The following COMT variants were observed in gnomAD, a reference collection of about 807,000 sequenced individuals.
The protein encoded by COMT is catechol-O-methyltransferase.
Under a neutral mutation model 18.9 loss-of-function variants are expected in COMT, and 13 were observed. That is an observed-to-expected ratio of 0.69 (90% CI 0.45 to 1.09). The LOEUF is 1.09. Ranked by LOEUF, COMT falls within the 50% of genes least tolerant of loss-of-function variation. The probability of loss-of-function intolerance (pLI) is 0.00; values close to 1 mark genes in which losing one functional copy is unlikely to be tolerated. For synonymous variants in COMT, 150 were observed against 160.9 expected (o/e 0.93, Z 0.51); for missense variants, 329 against 361.8 (o/e 0.91, Z 0.73).
At chr22:19,956,931 A>G (rs1942076830) in intron 1 of COMT, among the ~76,000 whole-genome samples, 1 of 151,282 alleles carries the variant, frequency 6.6e-6, no homozygotes, top group Admixed American at 6.6e-5. Flanking sequence ...TACTTGCAGT[A>G]TATTTATGGA....
intron 1 of COMT, among the ~76,000 whole-genome samples, chr22:19,959,974 G>C (rs986633785): frequency 1.3e-5 from 2 of 152,254 alleles, no homozygotes; most frequent in Non-Finnish European, 2.9e-5. Flanking sequence ...AGCCTGCAGA[G>C]TGGAGTGGGC....
rs990687034 is a variant in COMT at position 19,963,377 on chromosome 22, G to A, written c.290-189G>A. On this transcript the variant is annotated intron_variant, in intron 3 of 5. Coordinates refer to ENST00000361682, the MANE Select transcript of COMT (RefSeq NM_000754.4). The stretch of plus-strand genomic sequence containing the variant: ...GCGCTCACAGTGGGGACCAGGTCCT[G>A]GGGGCTGGGGACACCAGGGAGGTGA... The A allele has an allele frequency of 1.7e-5, 11 of 660,434 alleles. No individual in the cohort carries two copies. In the African/African-American group the frequency reaches 2.0e-4, roughly 12 times the overall value. 40.9% of individuals were successfully genotyped at this position (660,434 alleles called of 1,614,324 possible). A position where few individuals can be genotyped will look rare whatever the true frequency, so the allele number is the denominator to read the frequency against.
At chr22:19,956,886 T>A (rs1262394643) in intron 1 of COMT, among the ~76,000 whole-genome samples, 1 of 152,082 alleles carries the variant, frequency 6.6e-6, no homozygotes, top group Non-Finnish European at 1.5e-5. Context: ...AGTTCATATT[T>A]TAAAGGATTT....
chr22:19,944,547 G>A (rs547734394), intron 1 of COMT, among the ~76,000 whole-genome samples: 118 of 147,774 alleles, frequency 8.0e-4, no homozygotes, highest in African/African-American at 2.6e-3. Flanking sequence ...GAATTAGGCC[G>A]GGAGCGGTGG....
rs960378844 is a variant in COMT at position 19,969,811 on chromosome 22, A to G, written c.*1075A>G. On this transcript the variant is annotated 3_prime_UTR_variant, in exon 6 of 6. Coordinates refer to ENST00000361682, the MANE Select transcript of COMT (RefSeq NM_000754.4). ...TGGGCACCTGGGACCACCTCCACCC[A>G]GGGCCCTGCCCCAGACGCGCAGAGG... 3.1e-6 allele frequency: 3 copies of G among 981,788 alleles called. No homozygotes were observed. The Admixed American group carries it at 1.8e-4, about 60-fold the overall frequency. The allele number at this position is 981,788 out of a possible 1,614,324, so 60.8% of individuals were successfully genotyped here. A position where few individuals can be genotyped will look rare whatever the true frequency, so the allele number is the denominator to read the frequency against.
At chr22:19,945,955 G>A (rs930885444) in intron 1 of COMT, among the ~76,000 whole-genome samples, 4 of 151,632 alleles carry the variant, frequency 2.6e-5, no homozygotes, top group African/African-American at 7.3e-5. Context: ...GTGAGCCACC[G>A]TGCCCAGCCG....
intron 5 of COMT, among the ~76,000 whole-genome samples, chr22:19,966,772 T>C (rs979751891): frequency 3.4e-5 from 5 of 148,868 alleles, no homozygotes; most frequent in African/African-American, 1.2e-4. Context: ...CGAGACAGTC[T>C]CTCGCTCTGT....
intron 2 of COMT, chr22:19,961,762 G>C (rs1942197134): frequency 6.6e-6 from 1 of 152,356 alleles, no homozygotes; most frequent in African/African-American, 2.4e-5. Context: ...TGCCTGCTGG[G>C]TCCCCTCACC....
intron 1 of COMT, among the ~76,000 whole-genome samples, chr22:19,950,735 AG>A (rs1477026656): frequency 8.5e-5 from 13 of 152,246 alleles, no homozygotes; most frequent in African/African-American, 3.1e-4. Flanking sequence ...TGGAGGTGAT[AG>A]GAAGGGAGAG....
At position 19,962,797 on chromosome 22, in the gene COMT, A is replaced by G. The variant is rs774847933; in HGVS notation, c.271A>G (p.Asn91Asp). 2.5e-6 allele frequency: 4 copies of G among 1,605,278 alleles called. No individual in the cohort carries two copies. The highest frequency in any genetic ancestry group is 3.3e-5 in the Admixed American group (2 of 59,888). ...CTGCGAGCAGAAGGAGTGGGCCATGAACGTGGGCGACAAGAAAGGTGGGGT... is the reference window on the plus strand; with the variant it reads ...CTGCGAGCAGAAGGAGTGGGCCATGGACGTGGGCGACAAGAAAGGTGGGGT... ...TYCEQKEWAMNVGDKKGKIVD... is the reference protein window; with the variant it reads ...TYCEQKEWAMDVGDKKGKIVD... The change falls in exon 3 of 6, where the codon AAC becomes GAC. Residue 91 changes from asparagine (N) to aspartate (D), a missense_variant. Physicochemically the swap from Asn to Asp is conservative, Grantham distance 23. Coordinates refer to ENST00000361682, the MANE Select transcript of COMT (RefSeq NM_000754.4).
At chr22:19,968,054 G>A (rs1416379849) in intron 5 of COMT, among the ~76,000 whole-genome samples, 1 of 152,146 alleles carries the variant, frequency 6.6e-6, no homozygotes, top group African/African-American at 2.4e-5. Context: ...TGACCCCAAG[G>A]GGCAGGCTTG....
At chr22:19,962,506 C>T in intron 2 of COMT, 21 bp from the exon 3 acceptor site, 1 of 1,539,296 alleles carries the variant, frequency 6.5e-7, no homozygotes, top group Non-Finnish European at 8.7e-7. Flanking sequence ...GCACTGGCGC[C>T]CCTCCCCTCC....
At chr22:19,964,026 G>A (rs1218445998) in intron 4 of COMT, 142 bp from the exon 5 acceptor site, 2 of 1,542,130 alleles carry the variant, frequency 1.3e-6, no homozygotes, top group African/African-American at 1.4e-5. Flanking sequence ...GAACCCTAAA[G>A]AAAACTGATG....
intron 1 of COMT, among the ~76,000 whole-genome samples, chr22:19,952,656 C>CAAAA (rs201715907): frequency 7.6e-6 from 1 of 132,010 alleles, no homozygotes; most frequent in Admixed American, 7.8e-5. Flanking sequence ...AACAAAACAA[C>CAAAA]AACAAAAAAA....
chr22:19,968,958 A>G lies in COMT; in HGVS notation c.*222A>G. On this transcript the variant is annotated 3_prime_UTR_variant, in exon 6 of 6. Transcript: ENST00000361682. ...TTCTTTACTAACACTGGCTAGCTATATTATCTTATATACTAATATCATGTT... is the reference window on the plus strand; with the variant it reads ...TTCTTTACTAACACTGGCTAGCTATGTTATCTTATATACTAATATCATGTT... 1 of 547,524 alleles carries G rather than the reference A, an allele frequency of 1.8e-6. No individual in the cohort carries two copies. Among genetic ancestry groups the G allele is most frequent in the Non-Finnish European group, 3.3e-6 (1 of 304,728 alleles). 33.9% of individuals were successfully genotyped at this position (547,524 alleles called of 1,614,324 possible).
intron 1 of COMT, among the ~76,000 whole-genome samples, chr22:19,949,428 A>G (rs1345028704): frequency 6.6e-6 from 1 of 152,162 alleles, no homozygotes; most frequent in Non-Finnish European, 1.5e-5. Flanking sequence ...TCAGGACAAA[A>G]TTACATCCCT....
At chr22:19,966,781 G>A (rs1942422127) in intron 5 of COMT, among the ~76,000 whole-genome samples, 2 of 148,912 alleles carry the variant, frequency 1.3e-5, no homozygotes, top group African/African-American at 2.5e-5. Context: ...CTCTCGCTCT[G>A]TCGCCCAGGC....
rs544846648 is a variant in COMT, at chr22:19,962,832, C to T, written c.289+17C>T. ...ACAAGAAAGGTGGGGTCCGGGCCAG[C>T]AGGTGCTCAGCTCTGGGACAGGGAC... On this transcript the variant is annotated intron_variant, in intron 3 of 5. Coordinates refer to ENST00000361682, the MANE Select transcript of COMT (RefSeq NM_000754.4). 45 of 1,595,472 alleles carry T rather than the reference C, an allele frequency of 2.8e-5. 1 individual carries two copies. The Middle Eastern group carries it at 3.5e-3, about 124-fold the overall frequency.
chr22:19,955,656 G>A (rs968433942), intron 1 of COMT, among the ~76,000 whole-genome samples: 9 of 152,248 alleles, frequency 5.9e-5, no homozygotes, highest in Non-Finnish European at 1.0e-4. Flanking sequence ...TTGTCATCAC[G>A]CCTGTGGCTC....
Sources: gnomAD v4.1 joint callset for allele counts (sites outside exome capture counted in the v4.1 genomes callset) on GRCh38, gnomAD v4.1.1 for gene constraint, MANE v1.5 for transcripts, NCBI Gene and HGNC (gene_info 2026-07-23, HGNC 2026-07-21) for gene names.